Variants in ATRNL1 observed in about 807,000 individuals in gnomAD.
The protein encoded by ATRNL1 is attractin-like protein 1.
ATRNL1 carries 95 observed loss-of-function variants against 182.7 expected under a neutral mutation model. The ratio of observed to expected loss-of-function variants is 0.52; its 90% CI spans 0.44 to 0.62. ATRNL1 has a LOEUF of 0.62. Among genes scored for constraint, ATRNL1 ranks in the 20% least tolerant of loss-of-function variants. The pLI, the probability that ATRNL1 is intolerant of heterozygous loss-of-function variation, is 0.00. For synonymous variants in ATRNL1, 576 were observed against 568.3 expected, an observed-to-expected ratio of 1.01 and a Z score of -0.19; for missense variants, 1,471 against 1,679.5, an observed-to-expected ratio of 0.88 and a Z score of 2.17.
intron 19 of ATRNL1, among the ~76,000 whole-genome samples, chr10:115,372,013 G>A (rs1412400764): frequency 6.6e-6 from 1 of 152,138 alleles, no homozygotes; most frequent in East Asian, 1.9e-4. Context: ...CTCTGCACAA[G>A]CTCTCTTCTT....
chr10:115,400,204 T>C lies in ATRNL1; in HGVS notation c.3269+5452T>C, dbSNP rs1282867863. On this transcript the variant is annotated intron_variant, in intron 20 of 28. Coordinates refer to ENST00000355044, the MANE Select transcript of ATRNL1 (RefSeq NM_207303.4). ...CTACATCACTGATCATTAGAGAGAA[T>C]TAAAACTGGACCTCTTCCTTACACT... 3.9e-5 allele frequency among the ~76,000 whole-genome samples: 6 copies of C among 151,982 alleles called. No homozygotes were observed. In the East Asian group the frequency reaches 1.2e-3, roughly 29 times the overall value.
chr10:115,110,418 G>T (rs1291270570), intron 1 of ATRNL1, among the ~76,000 whole-genome samples: 2 of 152,194 alleles, frequency 1.3e-5, no homozygotes, highest in East Asian at 3.9e-4. Context: ...GCCTCTTGGT[G>T]CTGAGAGCGA....
At chr10:115,649,200 A>G (rs1301302506) in intron 26 of ATRNL1, among the ~76,000 whole-genome samples, 2 of 152,192 alleles carry the variant, frequency 1.3e-5, no homozygotes, top group Non-Finnish European at 2.9e-5. Flanking sequence ...TTGAGTTAAC[A>G]GTCCTCACTA....
At chr10:115,207,377 C>T (rs1199586274) in intron 8 of ATRNL1, among the ~76,000 whole-genome samples, 1 of 151,988 alleles carries the variant, frequency 6.6e-6, no homozygotes, top group African/African-American at 2.4e-5. Flanking sequence ...TAATGATCGC[C>T]GTTCTAACTG....
chr10:115,856,829 C>T (rs887003190), intron 28 of ATRNL1, among the ~76,000 whole-genome samples: 5 of 152,090 alleles, frequency 3.3e-5, no homozygotes, highest in Admixed American at 6.5e-5. Flanking sequence ...CTGTGAGGCC[C>T]GGTTCTCAAT....
intron 26 of ATRNL1, among the ~76,000 whole-genome samples, chr10:115,644,096 G>A (rs1186288929): frequency 6.6e-6 from 1 of 152,098 alleles, no homozygotes; most frequent in Non-Finnish European, 1.5e-5. Context: ...TAAACAAAGT[G>A]TAGTATGTTT....
intron 5 of ATRNL1, among the ~76,000 whole-genome samples, chr10:115,135,034 C>T (rs1192042587): frequency 2.6e-5 from 4 of 151,966 alleles, no homozygotes; most frequent in African/African-American, 7.3e-5. Flanking sequence ...TGGGATGTAT[C>T]TCAAAATAAT....
At chr10:115,588,876 G>T (rs1555011225) in intron 26 of ATRNL1, among the ~76,000 whole-genome samples, 1 of 152,206 alleles carries the variant, frequency 6.6e-6, no homozygotes, top group African/African-American at 2.4e-5. Flanking sequence ...CACTGCAAAT[G>T]TCCTTGGGAC....
At chr10:115,325,218 A>G (rs1592453050) in intron 18 of ATRNL1, among the ~76,000 whole-genome samples, 1 of 152,168 alleles carries the variant, frequency 6.6e-6, no homozygotes, top group Non-Finnish European at 1.5e-5. Context: ...AGAAAATAGA[A>G]TGGATGACTT....
At chr10:115,411,691 A>G (rs1565013989) in intron 20 of ATRNL1, among the ~76,000 whole-genome samples, 1 of 152,098 alleles carries the variant, frequency 6.6e-6, no homozygotes, top group South Asian at 2.1e-4. Context: ...AACATGATTT[A>G]TGTTGTAAAG....
chr10:115,830,328 C>T (rs111303539), intron 27 of ATRNL1, among the ~76,000 whole-genome samples: 1 of 152,172 alleles, frequency 6.6e-6, no homozygotes, highest in African/African-American at 2.4e-5. Flanking sequence ...AGATTTGATG[C>T]ATCTCTTCAG....
intron 5 of ATRNL1, among the ~76,000 whole-genome samples, chr10:115,158,115 A>G (rs1846608773): frequency 6.6e-6 from 1 of 152,102 alleles, no homozygotes; most frequent in African/African-American, 2.4e-5. Context: ...AGATTCACCT[A>G]TTAACATTTT....
intron 8 of ATRNL1, among the ~76,000 whole-genome samples, chr10:115,173,885 T>A (rs1334301262): frequency 2.6e-5 from 4 of 151,748 alleles, no homozygotes; most frequent in African/African-American, 9.7e-5. Flanking sequence ...GAGAGTTGAA[T>A]TTTGCTTTGT....
At chr10:115,446,527 CTG>C (rs1274460410) in intron 21 of ATRNL1, among the ~76,000 whole-genome samples, 1 of 151,492 alleles carries the variant, frequency 6.6e-6, no homozygotes, top group Non-Finnish European at 1.5e-5. Flanking sequence ...TAAAAAAACT[CTG>C]TATTTATATT....
chr10:115,812,722 C>CT (rs1555087385), intron 27 of ATRNL1, among the ~76,000 whole-genome samples: 1 of 152,056 alleles, frequency 6.6e-6, no homozygotes, highest in African/African-American at 2.4e-5. Flanking sequence ...GTTGATCCAC[C>CT]CACCTCGACC....
rs939776437 is a variant in ATRNL1, at chr10:115,266,905, T to C, written c.1881T>C (p.Ala627=). ...GAGATGAAGAACTTTGTAAAAATGC[T>C]GGTCCAGGGATAAAATGTGTTTGGA... ...AFRDEELCKN[A]GPGIKCVWNK... The change falls in exon 12 of 29, where the codon GCT becomes GCC. Residue 627 remains alanine, a synonymous_variant. Coordinates refer to ENST00000355044, the MANE Select transcript of ATRNL1 (RefSeq NM_207303.4). 5 of 1,612,254 alleles carry C rather than the reference T, an allele frequency of 3.1e-6. No individual in the cohort carries two copies. Among genetic ancestry groups the C allele is most frequent in the Non-Finnish European group, 4.2e-6 (5 of 1,178,870 alleles).
At chr10:115,540,632 C>T (rs374002788) in intron 25 of ATRNL1, among the ~76,000 whole-genome samples, 8 of 151,874 alleles carry the variant, frequency 5.3e-5, no homozygotes, top group South Asian at 4.2e-4. Context: ...TGGTAGCACA[C>T]GCCTATAATC....
chr10:115,700,431 A>G (rs1237605060), intron 26 of ATRNL1, among the ~76,000 whole-genome samples: 2 of 152,126 alleles, frequency 1.3e-5, no homozygotes, highest in Middle Eastern at 3.4e-3. Flanking sequence ...TTTGATTTCC[A>G]TTTCTCTGAT....
chr10:115,575,107 C>A (rs1555004728), intron 26 of ATRNL1, among the ~76,000 whole-genome samples: 1 of 151,912 alleles, frequency 6.6e-6, no homozygotes. Context: ...CACTGTTTAT[C>A]CCAAGAATTT....
Sources: gnomAD v4.1 joint callset for allele counts (sites outside exome capture counted in the v4.1 genomes callset) on GRCh38, gnomAD v4.1.1 for gene constraint, MANE v1.5 for transcripts, NCBI Gene and HGNC (gene_info 2026-07-23, HGNC 2026-07-21) for gene names.